The following SCGB2B2 variants were observed in gnomAD, a reference collection of about 807,000 sequenced individuals.
SCGB2B2 encodes secretoglobin-like protein.
Under a neutral mutation model 7.6 loss-of-function variants are expected in SCGB2B2, and 11 were observed. The observed-to-expected ratio is 1.45, with a 90% CI of 0.91 to 2.40. The LOEUF is 2.40. Ranked by LOEUF, SCGB2B2 falls within the 30% of genes most tolerant of loss-of-function variation. SCGB2B2 has a pLI of 0.00. For synonymous variants in SCGB2B2, 50 were observed against 48.6 expected (o/e 1.03, Z -0.12); for missense variants, 104 against 115.4 (o/e 0.90, Z 0.45).
At chr19:34,661,924 G>A (rs915267069) in intron 1 of SCGB2B2, among the ~76,000 whole-genome samples, 4 of 151,752 alleles carry the variant, frequency 2.6e-5, no homozygotes, top group Non-Finnish European at 5.9e-5. Flanking sequence ...TCTGTCACCA[G>A]GCTGGAGTGC....
intron 1 of SCGB2B2, among the ~76,000 whole-genome samples, chr19:34,620,383 A>G (rs2066205912): frequency 1.3e-5 from 2 of 152,120 alleles, no homozygotes; most frequent in Admixed American, 6.5e-5. Flanking sequence ...TTGTAGGGAC[A>G]TGGATGAAGC....
intron 1 of SCGB2B2, among the ~76,000 whole-genome samples, chr19:34,614,160 T>C (rs971298201): frequency 1.3e-5 from 2 of 152,184 alleles, no homozygotes; most frequent in Non-Finnish European, 2.9e-5. Context: ...TCTCCAGACT[T>C]GAGATTTTTT....
At chr19:34,664,887 C>T (rs2067570165) in intron 1 of SCGB2B2, among the ~76,000 whole-genome samples, 3 of 151,766 alleles carry the variant, frequency 2.0e-5, no homozygotes, top group Admixed American at 2.0e-4. Context: ...TCCCCTCTTT[C>T]TTCATCCTCC....
At chr19:34,608,660 C>CATATATATAT (rs71165673) in intron 1 of SCGB2B2, 1,326 of 87,128 alleles carry the variant, frequency 0.015, 126 homozygotes, top group Middle Eastern at 0.038. Context: ...TGTCTCATTG[C>CATATATATAT]ATATATATAT....
chr19:34,625,606 A>G (rs1050585318), intron 1 of SCGB2B2, among the ~76,000 whole-genome samples: 38 of 152,222 alleles, frequency 2.5e-4, no homozygotes, highest in African/African-American at 9.2e-4. Context: ...TTGAGTAGGT[A>G]AACAAAGCAG....
chr19:34,676,406 A>G lies in SCGB2B2; in HGVS notation c.-2808T>C, dbSNP rs1338083613. On this transcript the variant is annotated 5_prime_UTR_variant, in exon 1 of 4. Coordinates refer to ENST00000601241, the MANE Select transcript of SCGB2B2 (RefSeq NM_001025591.4). ...CAGAAGTTACCCTGTATGGTTCAAAAAGCTGGGAAGCCCTCAGCTCCGAGA... is the reference window on the plus strand; with the variant it reads ...CAGAAGTTACCCTGTATGGTTCAAAGAGCTGGGAAGCCCTCAGCTCCGAGA... 6.6e-6 allele frequency: 1 copy of G among 152,194 alleles called. No homozygotes were observed. The highest frequency in any genetic ancestry group is 2.4e-5 in the African/African-American group (1 of 41,436). 9.4% of individuals were successfully genotyped at this position (152,194 alleles called of 1,614,324 possible). A position where few individuals can be genotyped will look rare whatever the true frequency, so the allele number is the denominator to read the frequency against.
intron 1 of SCGB2B2, among the ~76,000 whole-genome samples, chr19:34,648,267 T>C (rs1380392872): frequency 5.9e-5 from 9 of 152,154 alleles, no homozygotes; most frequent in Admixed American, 5.9e-4. Context: ...GGAATTTAAA[T>C]CCATGGAGAT....
chr19:34,636,798 G>A (rs1489296258), intron 1 of SCGB2B2, among the ~76,000 whole-genome samples: 1 of 152,138 alleles, frequency 6.6e-6, no homozygotes, highest in Non-Finnish European at 1.5e-5. Context: ...ACTCAGCCCT[G>A]ACGTTAAGCC....
intron 1 of SCGB2B2, among the ~76,000 whole-genome samples, chr19:34,668,159 G>C (rs1342895916): frequency 6.6e-6 from 1 of 152,208 alleles, no homozygotes; most frequent in African/African-American, 2.4e-5. Flanking sequence ...GCCAAGGCGG[G>C]AGCCGGCTCC....
intron 1 of SCGB2B2, among the ~76,000 whole-genome samples, chr19:34,613,086 C>A (rs917630714): frequency 6.2e-5 from 8 of 129,784 alleles, no homozygotes; most frequent in South Asian, 5.4e-4. Context: ...TTTTTTCCAT[C>A]TCTTCATTTT....
At chr19:34,667,055 C>T (rs2067648106) in intron 1 of SCGB2B2, among the ~76,000 whole-genome samples, 1 of 152,088 alleles carries the variant, frequency 6.6e-6, no homozygotes, top group South Asian at 2.1e-4. Flanking sequence ...GAGGGACAGG[C>T]CGTCATGCAG....
intron 1 of SCGB2B2, among the ~76,000 whole-genome samples, chr19:34,613,492 TCAGA>T (rs1331936408): frequency 6.6e-6 from 1 of 152,244 alleles, no homozygotes; most frequent in East Asian, 1.9e-4. Context: ...AAATATCAAT[TCAGA>T]CAGTTTCTAT....
Position 34,650,041 on chromosome 19 carries a change from T to C in SCGB2B2, c.-2032+25589A>G, listed in dbSNP as rs540765473. Among the ~76,000 whole-genome samples, 98 of 151,366 alleles carry C rather than the reference T, an allele frequency of 6.5e-4. 11 individuals carry two copies. The highest frequency in any genetic ancestry group is 2.3e-3 in the African/African-American group (95 of 40,670). ...CTGAGGGCAATAACCGGGGCGTAAA[T>C]GCCCTATGTGTCTCCAGCATGGGCT... On this transcript the variant is annotated intron_variant, in intron 1 of 3. Transcript: ENST00000601241.
rs1427670982 is a variant in SCGB2B2, at chr19:34,590,715, G to A, written c.*2840C>T. On this transcript the variant is annotated 3_prime_UTR_variant, in exon 4 of 4. Transcript: ENST00000601241. ...TACAGAGATCATCACATATCATTAAGAATAACAGAGTCGTAAGCATTTTAG... is the reference window on the plus strand; with the variant it reads ...TACAGAGATCATCACATATCATTAAAAATAACAGAGTCGTAAGCATTTTAG... Among the ~76,000 whole-genome samples, 1 of 151,076 alleles carries A rather than the reference G, an allele frequency of 6.6e-6. No individual in the cohort carries two copies. Among genetic ancestry groups the A allele is most frequent in the Non-Finnish European group, 1.5e-5 (1 of 67,924 alleles).
intron 1 of SCGB2B2, among the ~76,000 whole-genome samples, chr19:34,610,795 G>C (rs1000742022): frequency 6.9e-6 from 1 of 145,286 alleles, no homozygotes; most frequent in Non-Finnish European, 1.5e-5. Flanking sequence ...GTATGCGTGT[G>C]TCCTTGTCTG....
At chr19:34,649,470 C>T (rs190767705) in intron 1 of SCGB2B2, among the ~76,000 whole-genome samples, 5 of 152,102 alleles carry the variant, frequency 3.3e-5, no homozygotes, top group Non-Finnish European at 7.4e-5. Context: ...TGCTGGTCAC[C>T]ACCATCACTT....
chr19:34,667,187 G>T (rs2067653176), intron 1 of SCGB2B2, among the ~76,000 whole-genome samples: 1 of 152,130 alleles, frequency 6.6e-6, no homozygotes, highest in African/African-American at 2.4e-5. Context: ...CAATGTCCCT[G>T]CAGACGGGCA....
At chr19:34,613,746 A>G (rs1470174794) in intron 1 of SCGB2B2, among the ~76,000 whole-genome samples, 1 of 151,954 alleles carries the variant, frequency 6.6e-6, no homozygotes, top group Non-Finnish European at 1.5e-5. Context: ...TGTTTTCATG[A>G]TAGTGATTAT....
At chr19:34,628,027 T>C (rs192213283) in intron 1 of SCGB2B2, among the ~76,000 whole-genome samples, 3 of 151,844 alleles carry the variant, frequency 2.0e-5, no homozygotes, top group East Asian at 3.9e-4. Context: ...GACTACTGGG[T>C]ACATAACAAA....
Sources: gnomAD v4.1 joint callset for allele counts (sites outside exome capture counted in the v4.1 genomes callset) on GRCh38, gnomAD v4.1.1 for gene constraint, MANE v1.5 for transcripts, NCBI Gene and HGNC (gene_info 2026-07-23, HGNC 2026-07-21) for gene names.